Variants in RND3 observed in about 807,000 individuals in gnomAD.
The protein encoded by RND3 is rho-related GTP-binding protein RhoE.
Under a neutral mutation model 26.5 loss-of-function variants are expected in RND3, and 8 were observed. The ratio of observed to expected loss-of-function variants is 0.30; its 90% CI spans 0.18 to 0.54. RND3 has a LOEUF of 0.54. RND3 is among the 20% of genes least tolerant of loss of function. The pLI is 0.94. For missense variants in RND3, 207 were observed against 302.8 expected, an observed-to-expected ratio of 0.68 and a Z score of 2.35; for synonymous variants, 113 against 113.0, an observed-to-expected ratio of 1.00 and a Z score of 0.00.
intron 4 of RND3, 168 bp from the exon 5 acceptor site, chr2:150,471,929 T>G: frequency 1.7e-6 from 1 of 592,960 alleles, no homozygotes; most frequent in Non-Finnish European, 3.0e-6. Context: ...CCTGAACAGA[T>G]GTGAAGTTTT....
At chr2:150,479,772 C>CTCAG (rs1686238570) in intron 3 of RND3, among the ~76,000 whole-genome samples, 1 of 152,220 alleles carries the variant, frequency 6.6e-6, no homozygotes, top group South Asian at 2.1e-4. Context: ...TTGTATCTGA[C>CTCAG]TCAGTGTAAG....
intron 3 of RND3, chr2:150,475,229 T>C (rs1686145424): frequency 2.7e-6 from 1 of 363,762 alleles, no homozygotes; most frequent in Non-Finnish European, 5.2e-6. Flanking sequence ...GTGAAATCTG[T>C]ATGGTTCAAA....
intron 5 of RND3, among the ~76,000 whole-genome samples, chr2:150,471,057 A>C (rs1041493239): frequency 8.5e-5 from 13 of 152,186 alleles, no homozygotes; most frequent in Non-Finnish European, 2.9e-5. Context: ...AACCAAAACT[A>C]CTTATTTAAA....
chr2:150,487,029 C>T lies in RND3; in HGVS notation c.150+239G>A, dbSNP rs866569512. The T allele has an allele frequency of 1.8e-5, 11 of 603,674 alleles. No homozygotes were observed. The African/African-American group carries it at 1.9e-4, about 10-fold the overall frequency. 37.4% of individuals were successfully genotyped at this position (603,674 alleles called of 1,614,324 possible). On this transcript the variant is annotated intron_variant, in intron 2 of 5. Coordinates refer to ENST00000263895, the MANE Select transcript of RND3 (RefSeq NM_005168.5). ...CAACCCCAGGTTATGCACACAGGAA[C>T]GAACAAGTTTCAGGAGCTAACCAGC... is the stretch of plus-strand genomic sequence containing the variant.
chr2:150,481,171 G>C (rs1329908637), intron 3 of RND3, among the ~76,000 whole-genome samples: 1 of 152,214 alleles, frequency 6.6e-6, no homozygotes, highest in Non-Finnish European at 1.5e-5. Flanking sequence ...GAAGGGAATT[G>C]TGGTGGGCCT....
At chr2:150,475,193 A>C in intron 3 of RND3, 3 of 434,330 alleles carry the variant, frequency 6.9e-6, no homozygotes, top group Non-Finnish European at 8.5e-6. Flanking sequence ...TCTGACATAA[A>C]TTCAAGAAGA....
At position 150,480,706 on chromosome 2, in the gene RND3, C is replaced by A. The variant is rs146244101; in HGVS notation, c.239-5722G>T. On this transcript the variant is annotated intron_variant, in intron 3 of 5. Transcript: ENST00000263895. The stretch of plus-strand genomic sequence containing the variant: ...TGTAGACTTAGAAAGAGCATTCATA[C>A]TGCCCCCTCCCCTTTTTAGGAGGTT... Among the ~76,000 whole-genome samples the A allele has an allele frequency of 1.3e-3, 203 of 152,110 alleles. 2 individuals are homozygous for A. The highest frequency in any genetic ancestry group is 4.5e-3 in the African/African-American group (187 of 41,502).
chr2:150,474,072 G>C (rs1375564276), intron 4 of RND3, among the ~76,000 whole-genome samples: 2 of 152,202 alleles, frequency 1.3e-5, no homozygotes, highest in Non-Finnish European at 2.9e-5. Flanking sequence ...CTGATCCATG[G>C]ACTAACACGG....
At chr2:150,480,859 C>T (rs1686258435) in intron 3 of RND3, among the ~76,000 whole-genome samples, 1 of 152,146 alleles carries the variant, frequency 6.6e-6, no homozygotes, top group Non-Finnish European at 1.5e-5. Context: ...ATAAGAGTTT[C>T]AGTGTGAAAA....
intron 3 of RND3, among the ~76,000 whole-genome samples, chr2:150,479,297 C>T (rs987149548): frequency 7.9e-5 from 12 of 152,058 alleles, no homozygotes; most frequent in Admixed American, 2.0e-4. Flanking sequence ...GTCACCCTTT[C>T]GCAAATATAG....
At chr2:150,475,771 G>A (rs780559535) in intron 3 of RND3, among the ~76,000 whole-genome samples, 12 of 152,130 alleles carry the variant, frequency 7.9e-5, no homozygotes, top group Non-Finnish European at 1.5e-4. Flanking sequence ...ATGTCGTATA[G>A]GATCATGTCG....
At chr2:150,478,012 T>A (rs1212860953) in intron 3 of RND3, among the ~76,000 whole-genome samples, 1 of 152,140 alleles carries the variant, frequency 6.6e-6, no homozygotes. Flanking sequence ...ACAAGAGTAA[T>A]TTATTTAAAA....
rs761195430 is a variant in RND3 at position 150,469,937 on chromosome 2, G to T, written c.*50C>A. 6.3e-7 allele frequency: 1 copy of T among 1,597,470 alleles called. No individual in the cohort carries two copies. Among genetic ancestry groups the T allele is most frequent in the South Asian group, 1.1e-5 (1 of 89,348 alleles). On this transcript the variant is annotated 3_prime_UTR_variant, in exon 6 of 6. Coordinates refer to ENST00000263895, the MANE Select transcript of RND3 (RefSeq NM_005168.5). ...TTTAGACTTCACCTTTTTGTTTGCT[G>T]TTGTTTTTTACACTAGATTCCTTTG...
intron 3 of RND3, among the ~76,000 whole-genome samples, chr2:150,482,915 C>A (rs961345390): frequency 6.6e-6 from 1 of 151,958 alleles, no homozygotes; most frequent in African/African-American, 2.4e-5. Context: ...AGAAGAGCTT[C>A]TTTTTCTCCA....
At position 150,486,136 on chromosome 2, in the gene RND3, C is replaced by CCA. The variant is rs928299719; in HGVS notation, c.238+556_238+557dup. 4.6e-5 allele frequency among the ~76,000 whole-genome samples: 7 copies of CCA among 152,064 alleles called. No individual in the cohort carries two copies. The highest frequency in any genetic ancestry group is 8.8e-5 in the Non-Finnish European group (6 of 68,006). ...GTTCAGCTGCTGCCCGGCCCCTGCG[C>CCA]CACCAGCGCATTCCTGGGTGTAGGC... On this transcript the variant is annotated intron_variant, in intron 3 of 5. Coordinates refer to ENST00000263895, the MANE Select transcript of RND3 (RefSeq NM_005168.5). The surrounding 1 kb of genome is among the most constrained non-coding windows in gnomAD (Gnocchi z 4.5).
chr2:150,480,927 T>C (rs534156285), intron 3 of RND3, among the ~76,000 whole-genome samples: 234 of 152,334 alleles, frequency 1.5e-3, no homozygotes, highest in Non-Finnish European at 2.6e-3. Context: ...CATTACTACC[T>C]GATGAAATGC....
chr2:150,468,514 G>A lies in RND3; in HGVS notation c.*1473C>T, dbSNP rs1329146349. Reference sequence around the variant, plus strand: ...CTTGCAGAGACAAGACAAAGTGCTTGTAAGACATAGAACTGAGTGTTGTAA... The same window carrying A: ...CTTGCAGAGACAAGACAAAGTGCTTATAAGACATAGAACTGAGTGTTGTAA... On this transcript the variant is annotated 3_prime_UTR_variant, in exon 6 of 6. Coordinates refer to ENST00000263895, the MANE Select transcript of RND3 (RefSeq NM_005168.5). The A allele has an allele frequency of 6.6e-6, 1 of 152,580 alleles. No homozygotes were observed. Among genetic ancestry groups the A allele is most frequent in the Non-Finnish European group, 1.5e-5 (1 of 68,014 alleles). The allele number at this position is 152,580 out of a possible 1,614,324, so 9.5% of individuals were successfully genotyped here.
At chr2:150,471,489 C>T in intron 5 of RND3, 138 bp downstream of exon 5, 2 of 647,442 alleles carry the variant, frequency 3.1e-6, no homozygotes, top group Non-Finnish European at 5.2e-6. Flanking sequence ...TAATAAATGA[C>T]AGCATTTTAA....
At chr2:150,485,198 A>T (rs1686337797) in intron 3 of RND3, 1 of 152,258 alleles carries the variant, frequency 6.6e-6, no homozygotes, top group Non-Finnish European at 1.5e-5. Context: ...CTCCAGGGGG[A>T]AACAAAATCA....
Sources: gnomAD v4.1 joint callset for allele counts (sites outside exome capture counted in the v4.1 genomes callset) on GRCh38, gnomAD v4.1.1 for gene constraint, Gnocchi (gnomAD v3.1) non-coding constraint, MANE v1.5 for transcripts, NCBI Gene and HGNC (gene_info 2026-07-23, HGNC 2026-07-21) for gene names.